ST3GAL5: variants seen among roughly 807,000 people sequenced by gnomAD.
ST3GAL5 encodes the protein lactosylceramide alpha-2,3-sialyltransferase.
In ST3GAL5, 25 loss-of-function variants were observed where a neutral mutation model predicts 46.1. The observed-to-expected ratio is 0.54, with a 90% CI of 0.40 to 0.76. ST3GAL5 has a LOEUF of 0.76. Ranked by LOEUF, ST3GAL5 falls within the 30% of genes least tolerant of loss-of-function variation. ST3GAL5 has a pLI of 0.00. For missense variants in ST3GAL5, 431 were observed against 521.2 expected, an observed-to-expected ratio of 0.83 and a Z score of 1.69; for synonymous variants, 182 against 192.7, an observed-to-expected ratio of 0.94 and a Z score of 0.46.
rs1040314096 is a variant in ST3GAL5 at position 85,839,405 on chromosome 2, A to G, written c.*739T>C. The G allele has an allele frequency of 1.3e-5, 2 of 153,112 alleles. No homozygotes were observed. Among genetic ancestry groups the G allele is most frequent in the African/African-American group, 4.8e-5 (2 of 41,430 alleles). 9.5% of individuals were successfully genotyped at this position (153,112 alleles called of 1,614,324 possible). ...CTGGAACACGTTAGATCTAACACTTAAGTGCTTTGAAAGGGCAGTAAAAAA... is the reference window on the plus strand; with the variant it reads ...CTGGAACACGTTAGATCTAACACTTGAGTGCTTTGAAAGGGCAGTAAAAAA... On this transcript the variant is annotated 3_prime_UTR_variant, in exon 7 of 7. Transcript: ENST00000638572.
chr2:85,873,067 G>C lies in ST3GAL5; in HGVS notation c.83-9582C>G, dbSNP rs113940307. ...TCCTGCCCCAAGGTGGGGCTGGGGG[G>C]TGCAGGCAGGACGAGAGCAGCGTTG... On this transcript the variant is annotated intron_variant, in intron 1 of 6. Transcript: ENST00000638572. Among the ~76,000 whole-genome samples, 7 of 152,338 alleles carry C rather than the reference G, an allele frequency of 4.6e-5. 2 individuals carry two copies. Among genetic ancestry groups the C allele is most frequent in the African/African-American group, 1.7e-4 (7 of 41,580 alleles).
At chr2:85,852,929 G>A in intron 3 of ST3GAL5, 1 of 1,302,006 alleles carries the variant, frequency 7.7e-7, no homozygotes, top group Non-Finnish European at 1.0e-6. Context: ...TCGGTTTGAA[G>A]ATGCTGGTGC....
At chr2:85,881,522 G>C (rs1458276183) in intron 1 of ST3GAL5, among the ~76,000 whole-genome samples, 1 of 152,170 alleles carries the variant, frequency 6.6e-6, no homozygotes, top group African/African-American at 2.4e-5. Flanking sequence ...AGGTTGAGGT[G>C]GTCTCAGATG....
intron 3 of ST3GAL5, chr2:85,853,200 G>C: frequency 1.5e-6 from 1 of 675,856 alleles, no homozygotes; most frequent in Non-Finnish European, 2.2e-6. Context: ...CATCTTTTGA[G>C]TGCAATTTCA....
intron 1 of ST3GAL5, chr2:85,870,157 T>A (rs377177676): frequency 6.4e-6 from 3 of 468,250 alleles, no homozygotes; most frequent in South Asian, 3.1e-5. Flanking sequence ...TCTTCATAAG[T>A]TTTTTACTTT....
chr2:85,842,600 A>C (rs562664889), intron 6 of ST3GAL5, among the ~76,000 whole-genome samples: 1 of 152,166 alleles, frequency 6.6e-6, no homozygotes, highest in Non-Finnish European at 1.5e-5. Flanking sequence ...ATCAATTATA[A>C]AAATAGGAAA....
At chr2:85,850,735 G>A (rs1190896268) in intron 3 of ST3GAL5, 1 of 152,192 alleles carries the variant, frequency 6.6e-6, no homozygotes, top group Admixed American at 6.5e-5. Flanking sequence ...GTGGCAAGAG[G>A]GACCCGGAGA....
chr2:85,886,900 C>A (rs1241418053), intron 1 of ST3GAL5, among the ~76,000 whole-genome samples: 1 of 152,216 alleles, frequency 6.6e-6, no homozygotes, highest in Non-Finnish European at 1.5e-5. Context: ...AGCTTCCCAG[C>A]AGACTAAAAC....
At chr2:85,872,720 C>T (rs1686084952) in intron 1 of ST3GAL5, among the ~76,000 whole-genome samples, 1 of 152,154 alleles carries the variant, frequency 6.6e-6, no homozygotes, top group African/African-American at 2.4e-5. Context: ...CTCCCGTGCA[C>T]CTAGACTGGT....
Position 85,839,096 on chromosome 2 carries a change from G to A in ST3GAL5, c.*1048C>T, listed in dbSNP as rs1369388391. ...GCCTAGCAGCAGCATCCAAGAAGGA[G>A]GTTTTGGGTAGATTCATAGACATAA... On this transcript the variant is annotated 3_prime_UTR_variant, in exon 7 of 7. Transcript: ENST00000638572. The A allele has an allele frequency of 6.6e-6, 1 of 152,304 alleles. No individual in the cohort carries two copies. The highest frequency in any genetic ancestry group is 1.5e-5 in the Non-Finnish European group (1 of 68,022). The allele number at this position is 152,304 out of a possible 1,614,324, so 9.4% of individuals were successfully genotyped here. A position where few individuals can be genotyped will look rare whatever the true frequency, so the allele number is the denominator to read the frequency against.
chr2:85,881,392 T>A (rs904479700), intron 1 of ST3GAL5, among the ~76,000 whole-genome samples: 1 of 152,098 alleles, frequency 6.6e-6, no homozygotes, highest in African/African-American at 2.4e-5. Context: ...CAGGCAGAGA[T>A]TGGAACAGTT....
intron 3 of ST3GAL5, chr2:85,848,427 T>A: frequency 6.6e-7 from 1 of 1,514,428 alleles, no homozygotes; most frequent in Non-Finnish European, 8.9e-7. Context: ...AGGGTATTCA[T>A]TTCATTGCAC....
chr2:85,842,016 C>T (rs1450898545), intron 6 of ST3GAL5, among the ~76,000 whole-genome samples: 2 of 151,498 alleles, frequency 1.3e-5, no homozygotes, highest in African/African-American at 2.4e-5. Context: ...TTGTGGCTGC[C>T]ATAAATATAA....
At chr2:85,857,585 C>T (rs1425833227) in intron 3 of ST3GAL5, among the ~76,000 whole-genome samples, 2 of 151,132 alleles carry the variant, frequency 1.3e-5, no homozygotes, top group African/African-American at 4.9e-5. Flanking sequence ...GAGGTTTACC[C>T]AAGGACCTGT....
chr2:85,880,489 G>A (rs1687026473), intron 1 of ST3GAL5, among the ~76,000 whole-genome samples: 1 of 152,072 alleles, frequency 6.6e-6, no homozygotes, highest in Admixed American at 6.5e-5. Flanking sequence ...ATGTGCCTGG[G>A]GAGATAGCAA....
In ST3GAL5 at chr2:85,841,132, G is replaced by A. The variant is rs565090051; in HGVS notation, c.1009-740C>T. Among the ~76,000 whole-genome samples the A allele has an allele frequency of 5.3e-5, 8 of 151,792 alleles. No homozygotes were observed. In the South Asian group the frequency reaches 1.7e-3, roughly 32 times the overall value. On this transcript the variant is annotated intron_variant, in intron 6 of 6. Transcript: ENST00000638572. ...ACAGGACCTTCCACGGTCCTTCCCA[G>A]GGCACAGTTTCTGGAGCCCATCCCT...
chr2:85,863,395 C>T lies in ST3GAL5; in HGVS notation c.173G>A (p.Arg58Lys). The part of the protein sequence containing the change: ...QWYTRAQSKM[R>K]RPSLLLKDIL... ...GTCTTTTAATAACAAGCTGGGCCTT[C>T]TCATCTTGCTTTGAGCTCGGGTGTA... Residue 58 changes from arginine to lysine, a missense_variant, in exon 2 of 7, where the codon AGA becomes AAA. By Grantham distance (26) the Arg-to-Lys change is conservative. Transcript: ENST00000638572. 1 of 1,614,222 alleles carries T rather than the reference C, an allele frequency of 6.2e-7. No individual in the cohort carries two copies. Among genetic ancestry groups the T allele is most frequent in the Non-Finnish European group, 8.5e-7 (1 of 1,180,038 alleles).
chr2:85,884,489 C>T (rs1687534629), intron 1 of ST3GAL5, among the ~76,000 whole-genome samples: 1 of 152,120 alleles, frequency 6.6e-6, no homozygotes, highest in East Asian at 1.9e-4. Flanking sequence ...TAAAATTGGA[C>T]AAGTGGCTCA....
chr2:85,842,628 C>T (rs180955339), intron 6 of ST3GAL5, among the ~76,000 whole-genome samples: 4 of 152,270 alleles, frequency 2.6e-5, no homozygotes, highest in Admixed American at 2.6e-4. Context: ...GTTCAACTAA[C>T]AGACAGATTA....
Sources: allele counts gnomAD v4.1 joint callset (sites outside exome capture counted in the v4.1 genomes callset), GRCh38; gene constraint gnomAD v4.1.1; transcripts MANE v1.5; gene names NCBI Gene and HGNC (gene_info 2026-07-23, HGNC 2026-07-21).